Variants in MIS18A observed in about 807,000 individuals in gnomAD.
The protein encoded by MIS18A is protein Mis18-alpha.
In MIS18A, 14 loss-of-function variants were observed where a neutral mutation model predicts 25.0. The observed-to-expected ratio is 0.56, with a 90% CI of 0.37 to 0.88. The LOEUF (loss-of-function observed/expected upper bound fraction) is 0.88, where lower values mean the gene tolerates loss of function less well. Ranked by LOEUF, MIS18A falls within the 40% of genes least tolerant of loss-of-function variation. The probability of loss-of-function intolerance (pLI) is 0.00; values close to 1 mark genes in which losing one functional copy is unlikely to be tolerated. For missense variants in MIS18A, 292 were observed against 290.8 expected, an observed-to-expected ratio of 1.00 and a Z score of -0.03; for synonymous variants, 134 against 118.6, an observed-to-expected ratio of 1.13 and a Z score of -0.84.
the MIS18A span, among the ~76,000 whole-genome samples, chr21:32,203,443 A>C: frequency 6.6e-6 from 1 of 151,584 alleles, no homozygotes; most frequent in East Asian, 1.9e-4. Context: ...TTTACATGCT[A>C]AGGGGTGAAA....
the MIS18A span, among the ~76,000 whole-genome samples, chr21:32,161,392 G>A: frequency 1.3e-5 from 2 of 152,104 alleles, no homozygotes; most frequent in Non-Finnish European, 2.9e-5. Flanking sequence ...TTTGACTGAT[G>A]TTTTTCTCAA....
chr21:32,241,380 A>AAAAAC, the MIS18A span, among the ~76,000 whole-genome samples: 79 of 151,818 alleles, frequency 5.2e-4, 2 homozygotes, highest in South Asian at 0.01. Flanking sequence ...AAAAAAAAAA[A>AAAAAC]AAAAAACTCA....
chr21:32,173,955 GTTTTTTTTTTT>G, the MIS18A span, among the ~76,000 whole-genome samples: 4 of 92,588 alleles, frequency 4.3e-5, no homozygotes, highest in South Asian at 4.1e-4. Flanking sequence ...TACTTTTTAA[GTTTTTTTTTTT>G]TTTTTTTTTT....
the MIS18A span, among the ~76,000 whole-genome samples, chr21:32,175,467 A>T: frequency 6.7e-6 from 1 of 150,176 alleles, no homozygotes; most frequent in East Asian, 1.9e-4. Context: ...AAACTTTTTA[A>T]TTTTTTTTTT....
At chr21:32,198,720 G>C in the MIS18A span, among the ~76,000 whole-genome samples, 1 of 152,242 alleles carries the variant, frequency 6.6e-6, no homozygotes, top group African/African-American at 2.4e-5. Flanking sequence ...AGGGCAAAGG[G>C]GCCGAAGACC....
the MIS18A span, among the ~76,000 whole-genome samples, chr21:32,191,281 A>C: frequency 6.6e-6 from 1 of 152,122 alleles, no homozygotes; most frequent in East Asian, 1.9e-4. Flanking sequence ...ATCCACCTCA[A>C]ATTTTCAGCA....
At chr21:32,266,064 G>A (rs1223273103), downstream of MIS18A, among the ~76,000 whole-genome samples, 3 of 150,888 alleles carry the variant, frequency 2.0e-5, no homozygotes, top group Non-Finnish European at 4.4e-5. Context: ...GAACCTTTAT[G>A]TCTAGCTCAA....
At chr21:32,238,448 G>A in the MIS18A span, among the ~76,000 whole-genome samples, 1,122 of 152,216 alleles carry the variant, frequency 7.4e-3, 9 homozygotes, top group Non-Finnish European at 0.012. Flanking sequence ...TCATACACCA[G>A]CTTTTCTTTA....
chr21:32,197,592 TAATC>T, the MIS18A span, among the ~76,000 whole-genome samples: 1 of 152,352 alleles, frequency 6.6e-6, no homozygotes, highest in East Asian at 1.9e-4. Flanking sequence ...ACTAATGAAA[TAATC>T]AAATCAAAAT....
the MIS18A span, among the ~76,000 whole-genome samples, chr21:32,189,287 T>C: frequency 6.6e-6 from 1 of 152,188 alleles, no homozygotes; most frequent in African/African-American, 2.4e-5. Flanking sequence ...ATTTTATTTA[T>C]GTAAGTTTTG....
chr21:32,268,936 T>C lies in MIS18A; in HGVS notation c.*101A>G, dbSNP rs2031658944. 5.3e-6 allele frequency: 5 copies of C among 945,646 alleles called. No individual in the cohort carries two copies. The South Asian group carries it at 7.7e-5, about 15-fold the overall frequency. 58.6% of individuals were successfully genotyped at this position (945,646 alleles called of 1,614,324 possible). A position where few individuals can be genotyped will look rare whatever the true frequency, so the allele number is the denominator to read the frequency against. Reference sequence around the variant, plus strand: ...GTTTCGCATGCCTGGCTAATTTTTTTTTTCTTTTTTTTTTTGTAGAGACGA... The same window carrying C: ...GTTTCGCATGCCTGGCTAATTTTTTCTTTCTTTTTTTTTTTGTAGAGACGA... On this transcript the variant is annotated 3_prime_UTR_variant, in exon 5 of 5. Coordinates refer to ENST00000290130, the MANE Select transcript of MIS18A (RefSeq NM_018944.3).
the MIS18A span, among the ~76,000 whole-genome samples, chr21:32,186,787 G>A: frequency 2.6e-5 from 4 of 152,258 alleles, no homozygotes; most frequent in African/African-American, 7.2e-5. Flanking sequence ...CACTGAATGG[G>A]TAGAAATACC....
chr21:32,205,754 G>A, the MIS18A span, among the ~76,000 whole-genome samples: 1 of 152,176 alleles, frequency 6.6e-6, no homozygotes, highest in Non-Finnish European at 1.5e-5. Context: ...GGCTGCCTGA[G>A]GGGGTTGGCA....
At chr21:32,175,528 G>A in the MIS18A span, among the ~76,000 whole-genome samples, 6 of 150,564 alleles carry the variant, frequency 4.0e-5, no homozygotes, top group African/African-American at 1.2e-4. Context: ...CAAACACACC[G>A]GCTGGGCACA....
rs370580744 is a variant in MIS18A, at chr21:32,278,883, C to T, written c.132G>A (p.Leu44=). The change falls in exon 1 of 5, where the codon CTG becomes CTA. Residue 44 remains leucine, a synonymous_variant. Transcript: ENST00000290130. ...RLSEDSSRHQ[L]LQKWASMWSS... Reference sequence around the variant, plus strand: ...TCCACATGCTCGCCCACTTCTGCAACAGCTGGTGGCGGCTCGAGTCTTCGG... The same window carrying T: ...TCCACATGCTCGCCCACTTCTGCAATAGCTGGTGGCGGCTCGAGTCTTCGG... 3.1e-6 allele frequency: 5 copies of T among 1,613,480 alleles called. No individual in the cohort carries two copies. In the African/African-American group the frequency reaches 6.7e-5, roughly 22 times the overall value.
At chr21:32,199,033 A>G in the MIS18A span, among the ~76,000 whole-genome samples, 1 of 152,216 alleles carries the variant, frequency 6.6e-6, no homozygotes, top group Non-Finnish European at 1.5e-5. Flanking sequence ...AGGTCACAAA[A>G]GTGTGTTTCA....
the MIS18A span, among the ~76,000 whole-genome samples, chr21:32,204,388 T>C: frequency 2.0e-5 from 3 of 151,716 alleles, no homozygotes; most frequent in Non-Finnish European, 4.4e-5. Flanking sequence ...TCCCAGCTAC[T>C]CAGGAGGCTG....
chr21:32,261,213 C>G, the MIS18A span: 1 of 152,122 alleles, frequency 6.6e-6, no homozygotes, highest in Admixed American at 6.5e-5. Flanking sequence ...TGCGGGCAAT[C>G]AAGAAGAAAA....
the MIS18A span, among the ~76,000 whole-genome samples, chr21:32,251,553 G>C: frequency 6.6e-6 from 1 of 152,094 alleles, no homozygotes; most frequent in Non-Finnish European, 1.5e-5. Flanking sequence ...GCTCAGATAG[G>C]GGTGTGACCT....
Sources: gnomAD v4.1 joint callset for allele counts (sites outside exome capture counted in the v4.1 genomes callset) on GRCh38, gnomAD v4.1.1 for gene constraint, MANE v1.5 for transcripts, NCBI Gene and HGNC (gene_info 2026-07-23, HGNC 2026-07-21) for gene names.